Variants in VPS13B observed in about 807,000 individuals in gnomAD.
VPS13B encodes vacuolar protein sorting 13 homolog B.
VPS13B carries 285 observed loss-of-function variants against 426.4 expected under a neutral mutation model. That is an observed-to-expected ratio of 0.67 (90% CI 0.61 to 0.74). The LOEUF (loss-of-function observed/expected upper bound fraction) is 0.74. VPS13B is among the 30% of genes least tolerant of loss of function. The probability of loss-of-function intolerance (pLI) is 0.00; values close to 1 mark genes in which losing one functional copy is unlikely to be tolerated. For missense variants in VPS13B, 4,537 were observed against 4,782.6 expected (o/e 0.95, Z 1.51); for synonymous variants, 1,676 against 1,676.4 (o/e 1.00, Z 0.01).
chr8:99,101,407 C>T (rs759252477), intron 4 of VPS13B, among the ~76,000 whole-genome samples: 11 of 152,184 alleles, frequency 7.2e-5, no homozygotes, highest in Non-Finnish European at 1.5e-4. Flanking sequence ...GCTGGGATTA[C>T]AGGCGTGAGC....
chr8:99,556,996 T>G (rs1824615288), intron 31 of VPS13B, among the ~76,000 whole-genome samples: 1 of 152,106 alleles, frequency 6.6e-6, no homozygotes. Flanking sequence ...TAGACTCTCC[T>G]TTTTGCTTAT....
chr8:99,411,091 G>T (rs1242241680), intron 21 of VPS13B, among the ~76,000 whole-genome samples: 1 of 152,156 alleles, frequency 6.6e-6, no homozygotes, highest in Non-Finnish European at 1.5e-5. Context: ...TAGTGGGATT[G>T]CTGGATCAAA....
chr8:99,250,904 A>G (rs1346993960), intron 17 of VPS13B, among the ~76,000 whole-genome samples: 3 of 113,980 alleles, frequency 2.6e-5, no homozygotes, highest in Admixed American at 8.5e-5. Flanking sequence ...TGTTAGTTTT[A>G]TATCTTTTTT....
At chr8:99,208,422 T>G (rs1333940665) in intron 17 of VPS13B, among the ~76,000 whole-genome samples, 1 of 152,204 alleles carries the variant, frequency 6.6e-6, no homozygotes, top group Non-Finnish European at 1.5e-5. Context: ...TTGTAATATT[T>G]CATAATTTAA....
At chr8:99,810,794 A>C (rs1046210023) in intron 44 of VPS13B, among the ~76,000 whole-genome samples, 1 of 152,212 alleles carries the variant, frequency 6.6e-6, no homozygotes, top group Non-Finnish European at 1.5e-5. Context: ...TTCACTGAGA[A>C]GATATGACTT....
chr8:99,520,345 T>A lies in VPS13B; in HGVS notation c.4634-554T>A, dbSNP rs545521063. ...ATCTTCAACATTGCAGCCATCATAT[T>A]TCTTTTGAATTTTCTGACATTTTGG... On this transcript the variant is annotated intron_variant, in intron 29 of 61. Transcript: ENST00000357162. Among the ~76,000 whole-genome samples, 163 of 151,906 alleles carry A rather than the reference T, an allele frequency of 1.1e-3. 1 individual carries two copies. Among genetic ancestry groups the A allele is most frequent in the Non-Finnish European group, 1.7e-3 (118 of 67,966 alleles).
chr8:99,416,616 A>G (rs917085616), intron 21 of VPS13B, among the ~76,000 whole-genome samples: 6 of 152,206 alleles, frequency 3.9e-5, no homozygotes, highest in Non-Finnish European at 8.8e-5. Context: ...TATCTGGGTC[A>G]GAGTACACCG....
rs73702016 is a variant in VPS13B at position 99,452,407 on chromosome 8, A to C, written c.3445+9772A>C. Among the ~76,000 whole-genome samples, 646 of 152,148 alleles carry C rather than the reference A, an allele frequency of 4.2e-3. 5 individuals are homozygous for C. Among genetic ancestry groups the C allele is most frequent in the African/African-American group, 0.014 (599 of 41,510 alleles). ...TTTTTCTTCAGTATCTGATTCCCCT[A>C]CTAGGGTGAAAAGAGCAGGAGCCAT... On this transcript the variant is annotated intron_variant, in intron 23 of 61. Transcript: ENST00000357162.
Position 99,467,405 on chromosome 8 carries a change from C to G in VPS13B, c.3446-9C>G, listed in dbSNP as rs1429693242. The G allele has an allele frequency of 6.2e-7, 1 of 1,612,644 alleles. No individual in the cohort carries two copies. The highest frequency in any genetic ancestry group is 8.5e-7 in the Non-Finnish European group (1 of 1,178,958). On this transcript the variant is annotated splice_polypyrimidine_tract_variant and intron_variant, in intron 23 of 61. Coordinates refer to ENST00000357162, the MANE Select transcript of VPS13B (RefSeq NM_152564.5). ...GTGCTTCCCTATTCCCTTTTATCCC[C>G]TATATCAGGTGATGCTTTTCCTTGG... is the stretch of plus-strand genomic sequence containing the variant.
chr8:99,215,918 A>G (rs924955462), intron 17 of VPS13B, among the ~76,000 whole-genome samples: 3 of 152,208 alleles, frequency 2.0e-5, no homozygotes, highest in African/African-American at 7.2e-5. Context: ...GGCTTTCCAA[A>G]GGATAACAGT....
chr8:99,563,127 C>T (rs1054912435), intron 31 of VPS13B, among the ~76,000 whole-genome samples: 2 of 152,148 alleles, frequency 1.3e-5, no homozygotes, highest in African/African-American at 2.4e-5. Flanking sequence ...CATGTCACTT[C>T]ACCTCCATCC....
intron 19 of VPS13B, among the ~76,000 whole-genome samples, chr8:99,381,308 A>G (rs1198229077): frequency 6.6e-6 from 1 of 152,086 alleles, no homozygotes; most frequent in African/African-American, 2.4e-5. Context: ...TCTGCCATTG[A>G]TGGGCATTTA....
At chr8:99,545,763 G>T (rs1034333565) in intron 30 of VPS13B, among the ~76,000 whole-genome samples, 2 of 152,048 alleles carry the variant, frequency 1.3e-5, no homozygotes, top group Non-Finnish European at 2.9e-5. Context: ...TTTAAGGAAA[G>T]ATATTTTCTC....
intron 36 of VPS13B, among the ~76,000 whole-genome samples, chr8:99,711,115 A>T (rs1168573200): frequency 6.6e-6 from 1 of 152,214 alleles, no homozygotes; most frequent in African/African-American, 2.4e-5. Flanking sequence ...TATCTATTTT[A>T]AACTTAAAAG....
At chr8:99,697,270 A>AG (rs1832064261) in intron 35 of VPS13B, 1 of 582,646 alleles carries the variant, frequency 1.7e-6, no homozygotes, top group Non-Finnish European at 3.1e-6. Context: ...GAGCACCACA[A>AG]GGAGCTGCAG....
intron 2 of VPS13B, among the ~76,000 whole-genome samples, chr8:99,028,430 G>T (rs1214471356): frequency 1.7e-5 from 2 of 121,068 alleles, no homozygotes; most frequent in Non-Finnish European, 1.8e-5. Context: ...GGCGGCTGGC[G>T]GGGCAGAGGG....
At chr8:99,746,872 C>T (rs572794672) in intron 39 of VPS13B, among the ~76,000 whole-genome samples, 1 of 152,178 alleles carries the variant, frequency 6.6e-6, no homozygotes, top group East Asian at 1.9e-4. Context: ...CAATTCTGGA[C>T]CATTGGAGCC....
At chr8:99,459,239 G>T (rs997226627) in intron 23 of VPS13B, among the ~76,000 whole-genome samples, 41 of 152,120 alleles carry the variant, frequency 2.7e-4, no homozygotes, top group Admixed American at 2.7e-3. Context: ...CAGTTACGTT[G>T]AGTTGGTTGA....
At chr8:99,579,185 A>G (rs1206843125) in intron 33 of VPS13B, among the ~76,000 whole-genome samples, 3 of 152,186 alleles carry the variant, frequency 2.0e-5, no homozygotes, top group Non-Finnish European at 2.9e-5. Flanking sequence ...CTGGTGGGAC[A>G]TATCTGTAAA....
Sources: allele counts gnomAD v4.1 joint callset (sites outside exome capture counted in the v4.1 genomes callset), GRCh38; gene constraint gnomAD v4.1.1; transcripts MANE v1.5; gene names NCBI Gene and HGNC (gene_info 2026-07-23, HGNC 2026-07-21).